Variants in DIXDC1 observed in about 807,000 individuals in gnomAD.
DIXDC1 encodes dixin.
DIXDC1 carries 64 observed loss-of-function variants against 103.1 expected under a neutral mutation model. The observed-to-expected ratio is 0.62, with a 90% CI of 0.51 to 0.76. The LOEUF (loss-of-function observed/expected upper bound fraction) is 0.76, where lower values mean the gene tolerates loss of function less well. DIXDC1 is among the 30% of genes least tolerant of loss of function. The pLI is 0.00. For missense variants in DIXDC1, 759 were observed against 834.2 expected, an observed-to-expected ratio of 0.91 and a Z score of 1.11; for synonymous variants, 266 against 298.5, an observed-to-expected ratio of 0.89 and a Z score of 1.12.
At chr11:112,011,807 G>T (rs914693395) in intron 17 of DIXDC1, among the ~76,000 whole-genome samples, 1 of 152,052 alleles carries the variant, frequency 6.6e-6, no homozygotes, top group Non-Finnish European at 1.5e-5. Context: ...CTGTCGTGGA[G>T]GGGGGGACGG....
chr11:111,932,175 C>T (rs1284327068), intron 2 of DIXDC1, among the ~76,000 whole-genome samples: 4 of 151,556 alleles, frequency 2.6e-5, no homozygotes, highest in East Asian at 3.9e-4. Context: ...GGACTACAGG[C>T]GTAGGACACC....
At position 111,976,206 on chromosome 11, in the gene DIXDC1, A is replaced by G. The variant is rs1197338776; in HGVS notation, c.656+1223A>G. 6.6e-6 allele frequency among the ~76,000 whole-genome samples: 1 copy of G among 152,166 alleles called. No homozygotes were observed. The highest frequency in any genetic ancestry group is 1.9e-4 in the East Asian group (1 of 5,188). On this transcript the variant is annotated intron_variant, in intron 5 of 19. Transcript: ENST00000440460. The surrounding 1 kb of genome is among the most constrained non-coding windows in gnomAD (Gnocchi z 4.3). ...GATGTTTTGTTGTATTGCTTCCTGC[A>G]CTTCTGCAGGCCTTTCACTCTTCTG...
upstream of DIXDC1, among the ~76,000 whole-genome samples, chr11:111,936,194 G>A (rs371164333): frequency 4.7e-4 from 71 of 152,370 alleles, 1 homozygote; most frequent in South Asian, 0.011. Flanking sequence ...GACCTTCTCT[G>A]AGCCCTAATG....
Position 111,977,836 on chromosome 11 carries a change from G to A in DIXDC1, c.656+2853G>A. 1 of 1,538,806 alleles carries A rather than the reference G, an allele frequency of 6.5e-7. No homozygotes were observed. Among genetic ancestry groups the A allele is most frequent in the Non-Finnish European group, 8.8e-7 (1 of 1,141,144 alleles). ...CTGGCTTTGGAAGTGGGGGGCCTGG[G>A]TGGGAACAGGGGCAGGGCTGGAGGA... On this transcript the variant is annotated intron_variant, in intron 5 of 19. Transcript: ENST00000440460. The surrounding 1 kb of genome is among the most constrained non-coding windows in gnomAD (Gnocchi z 6.1).
At chr11:111,962,485 G>A (rs510274) in intron 1 of DIXDC1, among the ~76,000 whole-genome samples, 75,108 of 149,986 alleles carry the variant, frequency 0.5, 21,043 homozygotes, top group African/African-American at 0.78. Flanking sequence ...CCATCTCCAA[G>A]AAAAAAAAAG....
chr11:111,937,832 C>A (rs1361894467), intron 1 of DIXDC1, among the ~76,000 whole-genome samples: 1 of 152,244 alleles, frequency 6.6e-6, no homozygotes, highest in Non-Finnish European at 1.5e-5. Context: ...GAAATCACCT[C>A]CTTCCAGAAG....
intron 2 of DIXDC1, 60 bp from the exon 3 acceptor site, chr11:111,968,453 G>A: frequency 6.4e-7 from 1 of 1,563,710 alleles, no homozygotes; most frequent in Non-Finnish European, 8.7e-7. Context: ...GTGTCTAGCT[G>A]CTATGAAACT....
intron 6 of DIXDC1, 71 bp from the exon 7 acceptor site, chr11:111,982,254 ACCTGTGAACGCTAC>A (rs1260145038): frequency 1.4e-6 from 2 of 1,469,326 alleles, no homozygotes; most frequent in African/African-American, 2.8e-5. Context: ...GGTGACCTGA[ACCTGTGAACGCTAC>A]CCTGTGAACG....
At position 112,020,742 on chromosome 11, in the gene DIXDC1, C is replaced by A. The variant is rs1861730333; in HGVS notation, c.*1706C>A. ...TAGTTTTGTGTAATCCAGTTGATTG[C>A]TCCTCTGGCAGAGAGAAGGAGCTCA... On this transcript the variant is annotated 3_prime_UTR_variant, in exon 20 of 20. Coordinates refer to ENST00000440460, the MANE Select transcript of DIXDC1 (RefSeq NM_001037954.4). 6.6e-6 allele frequency: 1 copy of A among 152,220 alleles called. No individual in the cohort carries two copies. The highest frequency in any genetic ancestry group is 1.5e-5 in the Non-Finnish European group (1 of 68,040). 9.4% of individuals were successfully genotyped at this position (152,220 alleles called of 1,614,324 possible). A position where few individuals can be genotyped will look rare whatever the true frequency, so the allele number is the denominator to read the frequency against.
chr11:111,933,183 C>T (rs957369193), upstream of DIXDC1, among the ~76,000 whole-genome samples: 2 of 151,868 alleles, frequency 1.3e-5, no homozygotes, highest in Non-Finnish European at 2.9e-5. Flanking sequence ...GGCTGGTGTG[C>T]GATGGTGTGA....
chr11:112,011,123 C>T (rs1300555120), intron 17 of DIXDC1, among the ~76,000 whole-genome samples: 1 of 152,038 alleles, frequency 6.6e-6, no homozygotes, highest in Non-Finnish European at 1.5e-5. Flanking sequence ...ATCAAACAAC[C>T]CCATCAAAAA....
At chr11:112,003,950 G>A (rs1861145960) in intron 17 of DIXDC1, among the ~76,000 whole-genome samples, 1 of 150,044 alleles carries the variant, frequency 6.7e-6, no homozygotes, top group South Asian at 2.1e-4. Flanking sequence ...AGGCTGATGT[G>A]GGAGTATTAC....
chr11:111,955,579 A>C (rs1555170494), intron 1 of DIXDC1, among the ~76,000 whole-genome samples: 1 of 151,896 alleles, frequency 6.6e-6, no homozygotes. Context: ...TCATGCCTGT[A>C]ATCTCAGCAC....
intron 2 of DIXDC1, among the ~76,000 whole-genome samples, chr11:111,966,228 CTTT>C (rs71060203): frequency 3.2e-4 from 29 of 91,700 alleles, no homozygotes; most frequent in Admixed American, 7.0e-4. Context: ...TTTTTTTTTC[CTTT>C]TTTTTTTTTT....
chr11:111,943,133 G>T (rs587733533), intron 1 of DIXDC1, among the ~76,000 whole-genome samples: 1 of 152,212 alleles, frequency 6.6e-6, no homozygotes, highest in East Asian at 1.9e-4. Flanking sequence ...TTTAAATTTT[G>T]ATTTCAATTT....
At position 111,993,493 on chromosome 11, in the gene DIXDC1, C is replaced by A; in HGVS notation, c.1273-3C>A. On this transcript the variant is annotated splice_polypyrimidine_tract_variant and splice_region_variant and intron_variant, in intron 12 of 19. Coordinates refer to ENST00000440460, the MANE Select transcript of DIXDC1 (RefSeq NM_001037954.4). ...TCATCTTAAAGCTCTATCTTTATTG[C>A]AGAAAGAGCTGGGGCAGAAGGATCG... 6.2e-7 allele frequency: 1 copy of A among 1,613,910 alleles called. No homozygotes were observed. Among genetic ancestry groups the A allele is most frequent in the Non-Finnish European group, 8.5e-7 (1 of 1,179,846 alleles).
chr11:111,942,719 A>C (rs1051511553), intron 1 of DIXDC1, among the ~76,000 whole-genome samples: 3 of 152,224 alleles, frequency 2.0e-5, no homozygotes, highest in Admixed American at 6.5e-5. Flanking sequence ...TATCTTTCAG[A>C]AAATCTTTAG....
At chr11:112,016,529 G>A (rs1318827523) in intron 17 of DIXDC1, among the ~76,000 whole-genome samples, 162 bp from the exon 18 acceptor site, 11 of 152,150 alleles carry the variant, frequency 7.2e-5, no homozygotes, top group African/African-American at 2.4e-4. Flanking sequence ...TGTCCTCGTG[G>A]TCCTAGGCAA....
In DIXDC1 at chr11:112,018,999, T is replaced by C; in HGVS notation, c.2015T>C (p.Ile672Thr). The C allele has an allele frequency of 6.2e-7, 1 of 1,613,322 alleles. No individual in the cohort carries two copies. Among genetic ancestry groups the C allele is most frequent in the East Asian group, 2.2e-5 (1 of 44,870 alleles). Residue 672 changes from isoleucine (I) to threonine (T), a missense_variant, in exon 20 of 20, where the codon ATT (isoleucine) becomes ACT (threonine). By Grantham distance (89) the Ile-to-Thr change is moderately conservative. Transcript: ENST00000440460. The part of the protein sequence containing the change: ...DDAIPGWEGK[I>T]VAWVEEDHGE... ...GCCATCCCTGGATGGGAAGGGAAAA[T>C]TGTAGCTTGGGTGGAAGAAGACCAT...
Sources: gnomAD v4.1 joint callset for allele counts (sites outside exome capture counted in the v4.1 genomes callset) on GRCh38, gnomAD v4.1.1 for gene constraint, Gnocchi (gnomAD v3.1) non-coding constraint, MANE v1.5 for transcripts, NCBI Gene and HGNC (gene_info 2026-07-23, HGNC 2026-07-21) for gene names.